The following RCOR1 variants were observed in gnomAD, a reference collection of about 807,000 sequenced individuals.
RCOR1 encodes REST corepressor 1, also known as REST corepressor.
A neutral mutation model predicts 64.0 loss-of-function variants in RCOR1; 12 were observed. The observed-to-expected ratio is 0.19, with a 90% CI of 0.12 to 0.30. The LOEUF (loss-of-function observed/expected upper bound fraction) is 0.30. Ranked by LOEUF, RCOR1 falls within the 10% of genes least tolerant of loss-of-function variation. RCOR1 has a pLI of 1.00. For missense variants in RCOR1, 502 were observed against 621.2 expected, an observed-to-expected ratio of 0.81 and a Z score of 2.04; for synonymous variants, 279 against 227.2, an observed-to-expected ratio of 1.23 and a Z score of -2.05.
intron 2 of RCOR1, among the ~76,000 whole-genome samples, chr14:102,632,611 ATCCTTTCCTT>A (rs201997281): frequency 0.025 from 2,744 of 107,828 alleles, 143 homozygotes; most frequent in African/African-American, 0.052. Flanking sequence ...ACTGCATGCT[ATCCTTTCCTT>A]TCCTTTCCTT....
At position 102,637,107 on chromosome 14, in the gene RCOR1, T is replaced by TG. The variant is rs1470870561; in HGVS notation, c.361+43782_361+43783insG. ...GTTAGTTTGGCTGTGTACAAGTTTT[T>TG]TTTGTTTGTTTGTTTGTTTTTTTAT... On this transcript the variant is annotated intron_variant, in intron 2 of 11. Transcript: ENST00000262241. 2.6e-5 allele frequency among the ~76,000 whole-genome samples: 4 copies of TG among 151,750 alleles called. No individual in the cohort carries two copies. In the South Asian group the frequency reaches 8.3e-4, roughly 31 times the overall value.
chr14:102,688,309 C>T (rs1895463601), intron 3 of RCOR1, among the ~76,000 whole-genome samples: 1 of 152,114 alleles, frequency 6.6e-6, no homozygotes, highest in Admixed American at 6.6e-5. Context: ...AGAGGAAATC[C>T]AGCACTTAAT....
intron 2 of RCOR1, among the ~76,000 whole-genome samples, chr14:102,595,581 C>CT (rs768934697): frequency 4.7e-3 from 677 of 144,240 alleles, no homozygotes; most frequent in Non-Finnish European, 4.3e-3. Flanking sequence ...TTCCAAATTT[C>CT]TTTTTTTTTT....
rs550519846 is a variant in RCOR1 at position 102,669,808 on chromosome 14, T to C, written c.362-12087T>C. Among the ~76,000 whole-genome samples, 13 of 152,344 alleles carry C rather than the reference T, an allele frequency of 8.5e-5. No homozygotes were observed. In the South Asian group the frequency reaches 2.7e-3, roughly 32 times the overall value. The stretch of plus-strand genomic sequence containing the variant: ...TGCCATTCCCTTTGATTTCTATCTT[T>C]TTGATTACCCAACGTCAGAAGCCAA... On this transcript the variant is annotated intron_variant, in intron 2 of 11. Coordinates refer to ENST00000262241, the MANE Select transcript of RCOR1 (RefSeq NM_015156.4).
intron 2 of RCOR1, among the ~76,000 whole-genome samples, chr14:102,634,021 C>T (rs1217763958): frequency 6.6e-6 from 1 of 152,024 alleles, no homozygotes; most frequent in African/African-American, 2.4e-5. Flanking sequence ...GTAATTGTGC[C>T]TCAAGGAGGT....
intron 2 of RCOR1, chr14:102,643,387 A>G: frequency 1.2e-6 from 1 of 829,004 alleles, no homozygotes; most frequent in Non-Finnish European, 1.5e-6. Flanking sequence ...AATGTTGAGT[A>G]ATGGGATAGT....
At chr14:102,714,914 A>T (rs1281931795) in intron 8 of RCOR1, among the ~76,000 whole-genome samples, 1 of 152,128 alleles carries the variant, frequency 6.6e-6, no homozygotes. Context: ...CAATATGAAC[A>T]TACCCTAGTA....
chr14:102,653,088 C>T (rs7142319), intron 2 of RCOR1, among the ~76,000 whole-genome samples: 55,890 of 151,560 alleles, frequency 0.37, 11,232 homozygotes, highest in African/African-American at 0.53. Flanking sequence ...GCGCGCCAGC[C>T]AATTTTTGTA....
intron 2 of RCOR1, among the ~76,000 whole-genome samples, chr14:102,672,323 C>T (rs1704343165): frequency 6.6e-6 from 1 of 152,022 alleles, no homozygotes; most frequent in Non-Finnish European, 1.5e-5. Context: ...CATTTTCCTG[C>T]CTTAGCCTCC....
chr14:102,690,017 A>G (rs1209079112), intron 3 of RCOR1, among the ~76,000 whole-genome samples: 1 of 152,100 alleles, frequency 6.6e-6, no homozygotes, highest in African/African-American at 2.4e-5. Context: ...TGCTGGGATT[A>G]CAGGCGTGAG....
chr14:102,625,231 C>A, intron 2 of RCOR1, among the ~76,000 whole-genome samples: 1 of 79,194 alleles, frequency 1.3e-5, no homozygotes, highest in South Asian at 5.1e-4. Context: ...TATCTTGTTA[C>A]TTTTTTTTTT....
chr14:102,615,078 G>C (rs944240964), intron 2 of RCOR1, among the ~76,000 whole-genome samples: 7 of 151,386 alleles, frequency 4.6e-5, no homozygotes, highest in African/African-American at 1.7e-4. Flanking sequence ...TGATGTGCCC[G>C]CCTTGGCCTC....
At chr14:102,614,042 T>C (rs1056442307) in intron 2 of RCOR1, among the ~76,000 whole-genome samples, 1 of 151,624 alleles carries the variant, frequency 6.6e-6, no homozygotes, top group East Asian at 2.0e-4. Context: ...ATTACAGGCA[T>C]GTGCCACTAC....
chr14:102,613,431 T>C (rs1893675841), intron 2 of RCOR1, among the ~76,000 whole-genome samples: 2 of 151,388 alleles, frequency 1.3e-5, no homozygotes, highest in South Asian at 4.2e-4. Flanking sequence ...CATATTTATT[T>C]ATCATTTTTT....
intron 3 of RCOR1, among the ~76,000 whole-genome samples, chr14:102,682,778 C>T (rs1307419060): frequency 6.6e-6 from 1 of 152,204 alleles, no homozygotes; most frequent in Admixed American, 6.5e-5. Flanking sequence ...GTTTTTCATA[C>T]TCCTGTATCA....
At chr14:102,696,778 T>C (rs954063039) in intron 3 of RCOR1, among the ~76,000 whole-genome samples, 40 of 152,054 alleles carry the variant, frequency 2.6e-4, no homozygotes, top group African/African-American at 9.4e-4. Context: ...GTTTCATCTT[T>C]TATTCACTGA....
chr14:102,671,095 C>G (rs1204407078), intron 2 of RCOR1, among the ~76,000 whole-genome samples: 1 of 152,114 alleles, frequency 6.6e-6, no homozygotes, highest in Non-Finnish European at 1.5e-5. Context: ...TTATTGATAG[C>G]AAGAAAAGCA....
chr14:102,714,227 T>C (rs984257757), intron 7 of RCOR1, among the ~76,000 whole-genome samples, 196 bp from the exon 8 acceptor site: 2 of 152,326 alleles, frequency 1.3e-5, no homozygotes, highest in East Asian at 3.9e-4. Flanking sequence ...CACAGTTTCA[T>C]TGTGTTTAGT....
chr14:102,704,283 T>A (rs1895806321), intron 4 of RCOR1, among the ~76,000 whole-genome samples: 1 of 152,156 alleles, frequency 6.6e-6, no homozygotes, highest in Non-Finnish European at 1.5e-5. Flanking sequence ...ACCTGCACGG[T>A]GATGTGAAAA....
Sources: gnomAD v4.1 joint callset for allele counts (sites outside exome capture counted in the v4.1 genomes callset) on GRCh38, gnomAD v4.1.1 for gene constraint, MANE v1.5 for transcripts, NCBI Gene and HGNC (gene_info 2026-07-23, HGNC 2026-07-21) for gene names.